Variants in PROS1 observed in about 807,000 individuals in gnomAD.
PROS1 encodes the protein protein S, also known as vitamin K-dependent protein S.
A neutral mutation model predicts 75.9 loss-of-function variants in PROS1; 29 were observed. The ratio of observed to expected loss-of-function variants is 0.38; its 90% CI spans 0.28 to 0.52. The LOEUF (loss-of-function observed/expected upper bound fraction) is 0.52, where lower values mean the gene tolerates loss of function less well. Among genes scored for constraint, PROS1 ranks in the 20% least tolerant of loss-of-function variants. The pLI is 0.83. For missense variants in PROS1, 680 were observed against 810.3 expected (o/e 0.84, Z 1.95); for synonymous variants, 245 against 280.6 (o/e 0.87, Z 1.27).
At chr3:93,936,989 A>G (rs1709193632) in intron 1 of PROS1, among the ~76,000 whole-genome samples, 1 of 152,210 alleles carries the variant, frequency 6.6e-6, no homozygotes, top group Non-Finnish European at 1.5e-5. Flanking sequence ...AAATTCTCCA[A>G]GCTGGAAAGC....
intron 1 of PROS1, among the ~76,000 whole-genome samples, chr3:93,966,915 C>T (rs1709799782): frequency 1.3e-5 from 2 of 152,016 alleles, no homozygotes; most frequent in Admixed American, 6.5e-5. Context: ...CATTGTTTCT[C>T]AAGAGAAGCC....
At chr3:93,893,775 T>G (rs1708464897) in intron 9 of PROS1, among the ~76,000 whole-genome samples, 1 of 152,146 alleles carries the variant, frequency 6.6e-6, no homozygotes, top group Non-Finnish European at 1.5e-5. Flanking sequence ...TTCCTAAAAC[T>G]CCAGTTGCAT....
chr3:93,929,402 C>T (rs1230922060), intron 1 of PROS1, among the ~76,000 whole-genome samples: 1 of 151,958 alleles, frequency 6.6e-6, no homozygotes, highest in African/African-American at 2.4e-5. Context: ...TCACTTGAGC[C>T]TGTGGGGGGT....
At chr3:93,960,357 T>A (rs1334222528) in intron 1 of PROS1, among the ~76,000 whole-genome samples, 1 of 151,840 alleles carries the variant, frequency 6.6e-6, no homozygotes, top group Non-Finnish European at 1.5e-5. Flanking sequence ...TTTTGTATTT[T>A]TAGTAGAGAT....
At chr3:93,915,553 C>A (rs1214125612) in intron 3 of PROS1, among the ~76,000 whole-genome samples, 1 of 152,200 alleles carries the variant, frequency 6.6e-6, no homozygotes, top group African/African-American at 2.4e-5. Context: ...TAGTACTTAT[C>A]TCTTAAATTC....
At chr3:93,907,345 G>C (rs569814351) in intron 4 of PROS1, among the ~76,000 whole-genome samples, 1 of 152,104 alleles carries the variant, frequency 6.6e-6, no homozygotes, top group African/African-American at 2.4e-5. Flanking sequence ...CCTGTCTGTA[G>C]AGAAGAACCA....
intron 3 of PROS1, chr3:93,911,109 C>T: frequency 4.5e-6 from 1 of 220,236 alleles, no homozygotes; most frequent in Non-Finnish European, 9.1e-6. Context: ...TCAATAGAAT[C>T]AGTTCGTGTT....
At chr3:93,918,209 T>C (rs1202178910) in intron 3 of PROS1, among the ~76,000 whole-genome samples, 1 of 151,954 alleles carries the variant, frequency 6.6e-6, no homozygotes, top group Admixed American at 6.6e-5. Flanking sequence ...TGTATCTAGC[T>C]AATCTGGTGG....
intron 10 of PROS1, among the ~76,000 whole-genome samples, chr3:93,887,712 G>A (rs1448209881): frequency 6.6e-6 from 1 of 152,110 alleles, no homozygotes; most frequent in Non-Finnish European, 1.5e-5. Context: ...GACCCTGATT[G>A]CTTCTCTTTC....
chr3:93,933,500 A>G (rs1237908408), intron 1 of PROS1, among the ~76,000 whole-genome samples: 3 of 152,046 alleles, frequency 2.0e-5, no homozygotes, highest in Non-Finnish European at 4.4e-5. Context: ...GCTTGAGCCC[A>G]GAAGGTTGAG....
chr3:93,964,927 C>T (rs972919712), intron 1 of PROS1, among the ~76,000 whole-genome samples: 2 of 152,168 alleles, frequency 1.3e-5, no homozygotes, highest in Admixed American at 1.3e-4. Context: ...ATTTCCTAGG[C>T]CAACTAAGAA....
chr3:93,894,250 AG>A (rs1559932214), intron 9 of PROS1, among the ~76,000 whole-genome samples: 1 of 152,140 alleles, frequency 6.6e-6, no homozygotes, highest in African/African-American at 2.4e-5. Flanking sequence ...AACAAAGAAA[AG>A]GTGACAAAAT....
Position 93,893,187 on chromosome 3 carries a change from T to A in PROS1, c.966-65A>T, listed in dbSNP as rs1403021424. Reference sequence around the variant, plus strand: ...TACAGAAAGCTCAATGCATTATTCTTTTTTTCTTGTACTGACAAACAGTAA... The same window carrying A: ...TACAGAAAGCTCAATGCATTATTCTATTTTTCTTGTACTGACAAACAGTAA... On this transcript the variant is annotated intron_variant, in intron 9 of 14. Transcript: ENST00000394236. The A allele has an allele frequency of 5.8e-6, 8 of 1,390,966 alleles. No homozygotes were observed. The highest frequency in any genetic ancestry group is 8.0e-6 in the Non-Finnish European group (8 of 999,550). The allele number at this position is 1,390,966 out of a possible 1,614,324, so 86.2% of individuals were successfully genotyped here. A position where few individuals can be genotyped will look rare whatever the true frequency, so the allele number is the denominator to read the frequency against.
chr3:93,883,946 T>C (rs1200469526), intron 12 of PROS1, among the ~76,000 whole-genome samples: 1 of 152,112 alleles, frequency 6.6e-6, no homozygotes, highest in African/African-American at 2.4e-5. Flanking sequence ...TGAGACTCCA[T>C]CTCAAAAACA....
At chr3:93,939,894 C>T (rs965062824) in intron 1 of PROS1, among the ~76,000 whole-genome samples, 3 of 151,856 alleles carry the variant, frequency 2.0e-5, no homozygotes, top group African/African-American at 7.3e-5. Context: ...ACTAACTTCA[C>T]CTTCAAGGCA....
intron 3 of PROS1, among the ~76,000 whole-genome samples, chr3:93,917,639 G>A (rs1708877518): frequency 6.6e-6 from 1 of 152,176 alleles, no homozygotes; most frequent in Non-Finnish European, 1.5e-5. Flanking sequence ...GGGAACAGCT[G>A]GAGTTCCTGG....
intron 4 of PROS1, among the ~76,000 whole-genome samples, chr3:93,909,055 C>A (rs1438563826): frequency 1.3e-5 from 2 of 152,034 alleles, no homozygotes; most frequent in Non-Finnish European, 2.9e-5. Flanking sequence ...CATAAAAACA[C>A]TAAACAAAAG....
At chr3:93,952,831 G>C (rs1576213616) in intron 1 of PROS1, among the ~76,000 whole-genome samples, 1 of 152,112 alleles carries the variant, frequency 6.6e-6, no homozygotes, top group Non-Finnish European at 1.5e-5. Context: ...TAGACCACTA[G>C]TGAGACTAAT....
At chr3:93,923,012 C>A (rs956985115) in intron 3 of PROS1, among the ~76,000 whole-genome samples, 2 of 152,174 alleles carry the variant, frequency 1.3e-5, no homozygotes, top group Non-Finnish European at 2.9e-5. Flanking sequence ...ACAGTGCACA[C>A]TTAAAACTAC....
Sources: allele counts gnomAD v4.1 joint callset (sites outside exome capture counted in the v4.1 genomes callset), GRCh38; gene constraint gnomAD v4.1.1; transcripts MANE v1.5; gene names NCBI Gene and HGNC (gene_info 2026-07-23, HGNC 2026-07-21).